Variants in NUMB observed in about 807,000 individuals in gnomAD.
The protein encoded by NUMB is protein numb homolog.
Under a neutral mutation model 59.7 loss-of-function variants are expected in NUMB, and 29 were observed. The observed-to-expected ratio is 0.49, with a 90% CI of 0.36 to 0.66. NUMB has a LOEUF of 0.66. Ranked by LOEUF, NUMB falls within the 30% of genes least tolerant of loss-of-function variation. The probability of loss-of-function intolerance (pLI) is 0.00; values close to 1 mark genes in which losing one functional copy is unlikely to be tolerated. For synonymous variants in NUMB, 288 were observed against 288.2 expected, an observed-to-expected ratio of 1.00 and a Z score of 0.01; for missense variants, 723 against 822.0, an observed-to-expected ratio of 0.88 and a Z score of 1.47.
chr14:73,446,732 G>A (rs1359543234), intron 1 of NUMB, among the ~76,000 whole-genome samples: 1 of 151,474 alleles, frequency 6.6e-6, no homozygotes, highest in East Asian at 1.9e-4. Context: ...GACTAGCCTC[G>A]GCAGCATAAC....
chr14:73,354,510 CAAAAA>C (rs780721035), intron 4 of NUMB, among the ~76,000 whole-genome samples: 1 of 78,070 alleles, frequency 1.3e-5, no homozygotes, highest in African/African-American at 4.2e-5. Flanking sequence ...GACTCCATCT[CAAAAA>C]AAAAAAAAAA....
Position 73,446,373 on chromosome 14 carries a change from C to T in NUMB, c.-233+12120G>A, listed in dbSNP as rs183435870. On this transcript the variant is annotated intron_variant, in intron 1 of 12. Transcript: ENST00000555238. ...CTGTAATCCCAGCACTTTGGGAGGC[C>T]AAGGCGGGTAGATCACAAGGTCAGG... Among the ~76,000 whole-genome samples, 29 of 151,940 alleles carry T rather than the reference C, an allele frequency of 1.9e-4. No individual in the cohort carries two copies. The East Asian group carries it at 4.5e-3, about 23-fold the overall frequency.
intron 1 of NUMB, among the ~76,000 whole-genome samples, chr14:73,446,230 C>T (rs186484665): frequency 1.6e-4 from 24 of 152,082 alleles, no homozygotes; most frequent in African/African-American, 5.5e-4. Flanking sequence ...CTTCTGACCT[C>T]AAGTGATCCT....
At position 73,291,454 on chromosome 14, in the gene NUMB, C is replaced by T. The variant is rs867824717; in HGVS notation, c.450+1280G>A. On this transcript the variant is annotated intron_variant, in intron 8 of 12. Coordinates refer to ENST00000555238, the MANE Select transcript of NUMB (RefSeq NM_001005743.2). ...AGTGCAGTGGTGCAATCTTGGCTCA[C>T]TGCAACCTCTGCCTCCGAGTTCAAG... is the stretch of plus-strand genomic sequence containing the variant. 4.6e-5 allele frequency among the ~76,000 whole-genome samples: 7 copies of T among 152,122 alleles called. No individual in the cohort carries two copies. In the Middle Eastern group the frequency reaches 0.01, roughly 223 times the overall value.
At position 73,453,707 on chromosome 14, in the gene NUMB, A is replaced by G. The variant is rs565740831; in HGVS notation, c.-233+4786T>C. On this transcript the variant is annotated intron_variant, in intron 1 of 12. Transcript: ENST00000555238. ...ACTGCAACCTCCGCCTCCTAGGTTC[A>G]AGCCATTCTCCTGCCTCAGCCTCCC... Among the ~76,000 whole-genome samples the G allele has an allele frequency of 5.9e-5, 9 of 151,638 alleles. 1 individual carries two copies. In the South Asian group the frequency reaches 1.9e-3, roughly 32 times the overall value.
At chr14:73,320,362 T>C (rs1594901407) in intron 5 of NUMB, among the ~76,000 whole-genome samples, 1 of 152,198 alleles carries the variant, frequency 6.6e-6, no homozygotes, top group East Asian at 1.9e-4. Flanking sequence ...TAAGTATGTT[T>C]AGAAAACAAT....
intron 6 of NUMB, 148 bp downstream of exon 6, chr14:73,316,242 C>T (rs1157251699): frequency 4.6e-6 from 3 of 650,002 alleles, no homozygotes; most frequent in East Asian, 2.8e-5. Context: ...CGGATAGTAA[C>T]TTCCTAATTC....
chr14:73,430,208 G>T (rs1399943630), intron 1 of NUMB, among the ~76,000 whole-genome samples: 1 of 151,870 alleles, frequency 6.6e-6, no homozygotes, highest in African/African-American at 2.4e-5. Flanking sequence ...GTTTTTGTGT[G>T]ACTGTGTTTT....
chr14:73,311,847 C>T (rs754775419), intron 6 of NUMB, among the ~76,000 whole-genome samples: 37 of 152,114 alleles, frequency 2.4e-4, no homozygotes, highest in Admixed American at 6.6e-4. Context: ...ACCTAGCAAA[C>T]TCAATAAATC....
At chr14:73,335,797 TTCA>T (rs1892278555) in intron 4 of NUMB, among the ~76,000 whole-genome samples, 1 of 152,196 alleles carries the variant, frequency 6.6e-6, no homozygotes, top group African/African-American at 2.4e-5. Context: ...TGACATAATA[TTCA>T]TCAAGTTATA....
At chr14:73,357,591 C>T (rs147373954) in intron 3 of NUMB, among the ~76,000 whole-genome samples, 3,048 of 151,476 alleles carry the variant, frequency 0.02, 98 homozygotes, top group African/African-American at 0.07. Flanking sequence ...GGTAAAACCC[C>T]GTCTCTACAA....
intron 1 of NUMB, among the ~76,000 whole-genome samples, chr14:73,446,386 T>A (rs1298550648): frequency 6.6e-6 from 1 of 151,662 alleles, no homozygotes; most frequent in Non-Finnish European, 1.5e-5. Context: ...GGCGGGTAGA[T>A]CACAAGGTCA....
chr14:73,378,014 CACACAT>C (rs1199765328), intron 2 of NUMB, among the ~76,000 whole-genome samples: 70 of 149,084 alleles, frequency 4.7e-4, no homozygotes, highest in African/African-American at 1.7e-3. Flanking sequence ...CACACACACA[CACACAT>C]ACACACACAC....
chr14:73,282,236 T>G (rs1433020153), intron 11 of NUMB, 123 bp downstream of exon 11: 2 of 806,442 alleles, frequency 2.5e-6, no homozygotes, highest in Non-Finnish European at 3.8e-6. Flanking sequence ...AGACATCAAA[T>G]AGAGAAATTA....
At chr14:73,293,570 T>G (rs747188784) in intron 7 of NUMB, among the ~76,000 whole-genome samples, 6 of 152,078 alleles carry the variant, frequency 3.9e-5, no homozygotes, top group Non-Finnish European at 7.4e-5. Flanking sequence ...TTTTTTGTAT[T>G]TTTAGTAGAG....
intron 4 of NUMB, among the ~76,000 whole-genome samples, chr14:73,329,428 T>A (rs1017607921): frequency 6.6e-6 from 1 of 152,192 alleles, no homozygotes; most frequent in African/African-American, 2.4e-5. Context: ...AATGAATTCA[T>A]CTGAAATTTC....
At chr14:73,371,459 C>T (rs181663165) in intron 2 of NUMB, among the ~76,000 whole-genome samples, 154 of 151,836 alleles carry the variant, frequency 1.0e-3, no homozygotes, top group Non-Finnish European at 1.7e-3. Context: ...CACTTAAACC[C>T]GGGAGGTGGA....
intron 7 of NUMB, among the ~76,000 whole-genome samples, chr14:73,296,884 G>A (rs987981417): frequency 6.6e-6 from 1 of 151,784 alleles, no homozygotes; most frequent in Non-Finnish European, 1.5e-5. Flanking sequence ...TTAGCCAGGC[G>A]AGGCCGGGCG....
At chr14:73,373,110 T>C (rs1894789030) in intron 2 of NUMB, among the ~76,000 whole-genome samples, 1 of 152,168 alleles carries the variant, frequency 6.6e-6, no homozygotes, top group African/African-American at 2.4e-5. Context: ...GGAAGTATAT[T>C]TCCCATAAAA....
Sources: gnomAD v4.1 joint callset for allele counts (sites outside exome capture counted in the v4.1 genomes callset) on GRCh38, gnomAD v4.1.1 for gene constraint, MANE v1.5 for transcripts, NCBI Gene and HGNC (gene_info 2026-07-23, HGNC 2026-07-21) for gene names.